The following SAMD8 variants were observed in gnomAD, a reference collection of about 807,000 sequenced individuals.
SAMD8 encodes sphingomyelin synthase-related protein 1.
A neutral mutation model predicts 42.0 loss-of-function variants in SAMD8; 20 were observed. The ratio of observed to expected loss-of-function variants is 0.48; its 90% CI spans 0.34 to 0.69. SAMD8 has a LOEUF of 0.69. Among genes scored for constraint, SAMD8 ranks in the 30% least tolerant of loss-of-function variants. The pLI, the probability that SAMD8 is intolerant of heterozygous loss-of-function variation, is 0.01. For missense variants in SAMD8, 328 were observed against 511.6 expected (o/e 0.64, Z 3.46); for synonymous variants, 162 against 173.0 (o/e 0.94, Z 0.50).
At chr10:75,112,069 A>T (rs933671706) in intron 1 of SAMD8, among the ~76,000 whole-genome samples, 8 of 152,096 alleles carry the variant, frequency 5.3e-5, no homozygotes, top group African/African-American at 1.9e-4. Flanking sequence ...CCGGAAGAAG[A>T]GATGCTCTGG....
intron 1 of SAMD8, chr10:75,105,680 C>T (rs374153504): frequency 2.5e-5 from 39 of 1,549,006 alleles, no homozygotes; most frequent in Admixed American, 7.8e-5. Context: ...CAGCTCTGGC[C>T]GGCACCCCGC....
intron 1 of SAMD8, among the ~76,000 whole-genome samples, chr10:75,144,603 G>A (rs899725935): frequency 2.6e-5 from 4 of 152,058 alleles, no homozygotes; most frequent in African/African-American, 9.7e-5. Context: ...CTGAATAATA[G>A]TCTCTTTTTT....
intron 4 of SAMD8, among the ~76,000 whole-genome samples, chr10:75,169,340 C>A (rs943265808): frequency 6.6e-6 from 1 of 150,590 alleles, no homozygotes; most frequent in Admixed American, 6.7e-5. Context: ...CAAAAATTAG[C>A]CAGGTGCAGT....
chr10:75,159,776 C>T (rs191508892), intron 2 of SAMD8, among the ~76,000 whole-genome samples: 4 of 152,300 alleles, frequency 2.6e-5, no homozygotes, highest in Admixed American at 6.5e-5. Flanking sequence ...CTCCACAGGG[C>T]TTTGCTTGAT....
chr10:75,174,498 G>A (rs1434564096), intron 4 of SAMD8, among the ~76,000 whole-genome samples: 4 of 143,328 alleles, frequency 2.8e-5, no homozygotes, highest in South Asian at 2.2e-4. Context: ...GCAATGGCAC[G>A]ATTTCTACTC....
intron 1 of SAMD8, among the ~76,000 whole-genome samples, chr10:75,130,115 G>A (rs912866320): frequency 2.6e-5 from 4 of 152,048 alleles, no homozygotes; most frequent in African/African-American, 9.7e-5. Flanking sequence ...AATAACAACT[G>A]GATGCCGAAA....
chr10:75,132,715 A>G (rs1270460544), intron 1 of SAMD8, among the ~76,000 whole-genome samples: 3 of 151,272 alleles, frequency 2.0e-5, no homozygotes, highest in Non-Finnish European at 4.4e-5. Flanking sequence ...TTTGCCAGCT[A>G]TGGTGGCTCA....
intron 1 of SAMD8, among the ~76,000 whole-genome samples, chr10:75,113,747 A>T (rs2134413294): frequency 6.6e-6 from 1 of 152,320 alleles, no homozygotes; most frequent in East Asian, 1.9e-4. Flanking sequence ...CTTTTCTTTA[A>T]CTTAATACAA....
chr10:75,156,289 G>A (rs1840408484), intron 2 of SAMD8, among the ~76,000 whole-genome samples: 1 of 152,124 alleles, frequency 6.6e-6, no homozygotes, highest in Admixed American at 6.6e-5. Context: ...CTGAGACCAA[G>A]CAAACAAAAA....
At chr10:75,136,604 G>C (rs963499663) in intron 1 of SAMD8, among the ~76,000 whole-genome samples, 2 of 152,134 alleles carry the variant, frequency 1.3e-5, no homozygotes, top group South Asian at 4.1e-4. Context: ...TTTGGTCTGG[G>C]CTAGGAATGA....
At chr10:75,116,895 C>T (rs1848894983) in intron 1 of SAMD8, among the ~76,000 whole-genome samples, 1 of 151,872 alleles carries the variant, frequency 6.6e-6, no homozygotes, top group Non-Finnish European at 1.5e-5. Flanking sequence ...TAGCAACCTT[C>T]GCCTCCCGGG....
At chr10:75,124,223 C>A (rs1564677161) in intron 1 of SAMD8, among the ~76,000 whole-genome samples, 1 of 152,074 alleles carries the variant, frequency 6.6e-6, no homozygotes, top group Non-Finnish European at 1.5e-5. Context: ...TCAGAGTCTT[C>A]TTATGTTTAT....
chr10:75,159,076 T>TTTTTTTA (rs1589968194), intron 2 of SAMD8, among the ~76,000 whole-genome samples: 2 of 150,748 alleles, frequency 1.3e-5, no homozygotes, highest in African/African-American at 4.9e-5. Flanking sequence ...TTTTTTTTTT[T>TTTTTTTA]GAGACAGAGT....
In SAMD8 at chr10:75,149,600, C is replaced by T. The variant is rs77038262; in HGVS notation, c.-15-914C>T. Among the ~76,000 whole-genome samples the T allele has an allele frequency of 1.0e-3, 152 of 152,242 alleles. 1 individual carries two copies. Among genetic ancestry groups the T allele is most frequent in the East Asian group, 6.2e-3 (32 of 5,186 alleles). On this transcript the variant is annotated intron_variant, in intron 1 of 5. Coordinates refer to ENST00000542569, the MANE Select transcript of SAMD8 (RefSeq NM_001174156.2). ...ATTATGTGTGCAGTAGTTAGAAATA[C>T]GCTTAATCTAAAGGGTTCCCTGGAA...
chr10:75,170,121 C>T (rs1254770599), intron 4 of SAMD8, among the ~76,000 whole-genome samples: 1 of 152,038 alleles, frequency 6.6e-6, no homozygotes, highest in African/African-American at 2.4e-5. Flanking sequence ...CTGTTAAAAT[C>T]GCCTGTACTT....
upstream of SAMD8, chr10:75,111,551 G>T (rs968777740): frequency 4.0e-6 from 5 of 1,244,876 alleles, no homozygotes; most frequent in Middle Eastern, 3.1e-4. Flanking sequence ...CCGGGACGAT[G>T]CCTGCGCGCA....
At chr10:75,110,508 A>C (rs893009186), upstream of SAMD8, among the ~76,000 whole-genome samples, 6 of 152,166 alleles carry the variant, frequency 3.9e-5, no homozygotes, top group Non-Finnish European at 8.8e-5. Flanking sequence ...ACACCAGGGC[A>C]TCCCATGGAA....
intron 1 of SAMD8, chr10:75,103,909 A>T (rs764759611): frequency 2.3e-6 from 3 of 1,311,918 alleles, no homozygotes; most frequent in Non-Finnish European, 3.0e-6. Flanking sequence ...GAGACTGAAG[A>T]CAGTGGCTGA....
At chr10:75,111,756 T>C (rs1468954827) in intron 1 of SAMD8, 34 bp downstream of exon 1, 3 of 1,232,802 alleles carry the variant, frequency 2.4e-6, no homozygotes, top group Non-Finnish European at 3.0e-6. Context: ...AGAGGGGAGC[T>C]TGGGGGGCGC....
Sources: allele counts gnomAD v4.1 joint callset (sites outside exome capture counted in the v4.1 genomes callset), GRCh38; gene constraint gnomAD v4.1.1; transcripts MANE v1.5; gene names NCBI Gene and HGNC (gene_info 2026-07-23, HGNC 2026-07-21).